The following LRP12 variants were observed in gnomAD, a reference collection of about 807,000 sequenced individuals.
LRP12 encodes the protein low-density lipoprotein receptor-related protein 12.
LRP12 carries 14 observed loss-of-function variants against 66.0 expected under a neutral mutation model. That is an observed-to-expected ratio of 0.21 (90% CI 0.14 to 0.33). LRP12 has a LOEUF of 0.33. Ranked by LOEUF, LRP12 falls within the 10% of genes least tolerant of loss-of-function variation. The probability of loss-of-function intolerance (pLI) is 1.00; values close to 1 mark genes in which losing one functional copy is unlikely to be tolerated. For synonymous variants in LRP12, 357 were observed against 359.1 expected (o/e 0.99, Z 0.07); for missense variants, 889 against 1,053.4 (o/e 0.84, Z 2.16).
chr8:104,571,319 A>G (rs1812077302), intron 1 of LRP12, among the ~76,000 whole-genome samples: 2 of 152,140 alleles, frequency 1.3e-5, no homozygotes, highest in Admixed American at 1.3e-4. Flanking sequence ...GTGGTGGGTG[A>G]GCAAGCACTA....
At chr8:104,579,689 T>C (rs967752118) in intron 1 of LRP12, among the ~76,000 whole-genome samples, 2 of 151,986 alleles carry the variant, frequency 1.3e-5, no homozygotes, top group African/African-American at 4.8e-5. Flanking sequence ...ACACTACAGG[T>C]CTACAGTAAC....
intron 2 of LRP12, among the ~76,000 whole-genome samples, chr8:104,512,662 A>G (rs1159475496): frequency 6.6e-6 from 1 of 152,202 alleles, no homozygotes; most frequent in African/African-American, 2.4e-5. Flanking sequence ...ATTATAGGGA[A>G]AAACTAGAAA....
chr8:104,556,915 T>C (rs773640127), intron 1 of LRP12, among the ~76,000 whole-genome samples: 11 of 152,140 alleles, frequency 7.2e-5, no homozygotes, highest in Non-Finnish European at 1.0e-4. Context: ...TAACCCACCA[T>C]GATCAAGTGG....
At chr8:104,582,570 C>A (rs769996373) in intron 1 of LRP12, among the ~76,000 whole-genome samples, 2 of 152,118 alleles carry the variant, frequency 1.3e-5, no homozygotes, top group Admixed American at 6.5e-5. Flanking sequence ...TTGCTTCTTG[C>A]CTGAAATACA....
chr8:104,554,461 A>G (rs2140882870), intron 1 of LRP12, among the ~76,000 whole-genome samples: 1 of 152,294 alleles, frequency 6.6e-6, no homozygotes, highest in South Asian at 2.1e-4. Context: ...GATGAAGGGC[A>G]CACTTAGAGA....
At chr8:104,573,356 T>G (rs1812111487) in intron 1 of LRP12, among the ~76,000 whole-genome samples, 1 of 152,208 alleles carries the variant, frequency 6.6e-6, no homozygotes, top group African/African-American at 2.4e-5. Context: ...CCCCCTGACT[T>G]GAGCTCAGTC....
intron 3 of LRP12, chr8:104,508,709 A>T: frequency 2.5e-6 from 1 of 394,702 alleles, no homozygotes; most frequent in Non-Finnish European, 4.5e-6. Flanking sequence ...GCTTAGAAGA[A>T]TATAGATGAT....
intron 1 of LRP12, among the ~76,000 whole-genome samples, chr8:104,563,129 C>T (rs1418750911): frequency 2.6e-5 from 4 of 152,130 alleles, no homozygotes; most frequent in African/African-American, 9.7e-5. Flanking sequence ...TTACTAATTA[C>T]GTGACCTTGG....
chr8:104,514,968 G>A (rs976710015), intron 2 of LRP12, among the ~76,000 whole-genome samples: 1 of 152,180 alleles, frequency 6.6e-6, no homozygotes, highest in African/African-American at 2.4e-5. Flanking sequence ...GACTGAAAGA[G>A]GATGTGTGAT....
intron 1 of LRP12, among the ~76,000 whole-genome samples, chr8:104,538,265 CT>C (rs1270353632): frequency 6.6e-6 from 1 of 152,128 alleles, no homozygotes; most frequent in Non-Finnish European, 1.5e-5. Context: ...AATCCAATGC[CT>C]TGTCCTTGCA....
intron 1 of LRP12, among the ~76,000 whole-genome samples, chr8:104,545,365 G>A (rs1157503236): frequency 6.6e-6 from 1 of 152,232 alleles, no homozygotes; most frequent in Non-Finnish European, 1.5e-5. Flanking sequence ...TGATAAAGCA[G>A]CAGCAGGGTT....
At chr8:104,504,433 T>C (rs945970245) in intron 3 of LRP12, 1 of 152,150 alleles carries the variant, frequency 6.6e-6, no homozygotes, top group African/African-American at 2.4e-5. Context: ...TTTAAATCAA[T>C]GCATTAAAGT....
At chr8:104,555,290 C>T (rs184510825) in intron 1 of LRP12, among the ~76,000 whole-genome samples, 12 of 152,198 alleles carry the variant, frequency 7.9e-5, no homozygotes, top group Admixed American at 7.8e-4. Flanking sequence ...CAACAAATAG[C>T]ATGATGAAAA....
intron 2 of LRP12, among the ~76,000 whole-genome samples, chr8:104,524,227 G>C (rs1356789357): frequency 9.1e-6 from 1 of 110,472 alleles, no homozygotes; most frequent in East Asian, 2.7e-4. Flanking sequence ...GGGTGACAAA[G>C]TCAGACCCTG....
intron 2 of LRP12, among the ~76,000 whole-genome samples, chr8:104,525,278 A>AT: frequency 6.6e-6 from 1 of 152,242 alleles, no homozygotes; most frequent in African/African-American, 2.4e-5. Context: ...AAAAATTAAG[A>AT]TTTTATCCAA....
intron 2 of LRP12, among the ~76,000 whole-genome samples, chr8:104,518,170 G>A (rs78550745): frequency 0.041 from 6,165 of 152,146 alleles, 188 homozygotes; most frequent in South Asian, 0.075. Context: ...AGAACTGTAA[G>A]TATCATTAAA....
chr8:104,542,726 T>C (rs1471754586), intron 1 of LRP12, among the ~76,000 whole-genome samples: 1 of 152,142 alleles, frequency 6.6e-6, no homozygotes, highest in East Asian at 1.9e-4. Flanking sequence ...ACACATATTT[T>C]CTATGTTACA....
At chr8:104,505,500 T>G (rs1296482914) in intron 3 of LRP12, 1 of 150,094 alleles carries the variant, frequency 6.7e-6, no homozygotes. Context: ...CCTCCTGGGT[T>G]CAAGCAGTTA....
intron 2 of LRP12, among the ~76,000 whole-genome samples, chr8:104,512,187 T>G (rs1212058633): frequency 6.6e-6 from 1 of 152,108 alleles, no homozygotes; most frequent in African/African-American, 2.4e-5. Context: ...TGTGGTGGCG[T>G]GCACCTGTAG....
Sources: allele counts gnomAD v4.1 joint callset (sites outside exome capture counted in the v4.1 genomes callset), GRCh38; gene constraint gnomAD v4.1.1; transcripts MANE v1.5; gene names NCBI Gene and HGNC (gene_info 2026-07-23, HGNC 2026-07-21).